The following KDELR2 variants were observed in gnomAD, a reference collection of about 807,000 sequenced individuals.
KDELR2 encodes the protein ER lumen protein-retaining receptor 2.
Under a neutral mutation model 23.9 loss-of-function variants are expected in KDELR2, and 15 were observed. That is an observed-to-expected ratio of 0.63 (90% CI 0.42 to 0.97). The LOEUF is 0.97. KDELR2 is among the 50% of genes least tolerant of loss of function. KDELR2 has a pLI of 0.00. For missense variants in KDELR2, 272 were observed against 254.6 expected (o/e 1.07, Z -0.46); for synonymous variants, 119 against 106.2 (o/e 1.12, Z -0.74).
intron 2 of KDELR2, chr7:6,469,997 C>A: frequency 2.9e-6 from 1 of 345,712 alleles, no homozygotes; most frequent in Non-Finnish European, 5.2e-6. Flanking sequence ...GCCATGCTGC[C>A]GCTTCGCAGT....
rs533785271 is a variant in KDELR2 at position 6,463,057 on chromosome 7, G to A, written c.*84C>T. The A allele has an allele frequency of 8.7e-6, 14 of 1,614,096 alleles. No homozygotes were observed. Among genetic ancestry groups the A allele is most frequent in the Middle Eastern group, 1.7e-4 (1 of 6,060 alleles). On this transcript the variant is annotated 3_prime_UTR_variant, in exon 5 of 5. Coordinates refer to ENST00000258739, the MANE Select transcript of KDELR2 (RefSeq NM_006854.4). ...AAAAGAGTTAAGTTTCTGATTTTCCGTATCAAGCATCTTATGCCTTTGCTG... is the reference window on the plus strand; with the variant it reads ...AAAAGAGTTAAGTTTCTGATTTTCCATATCAAGCATCTTATGCCTTTGCTG...
intron 2 of KDELR2, among the ~76,000 whole-genome samples, chr7:6,471,786 T>C (rs1008935075): frequency 2.0e-5 from 3 of 152,196 alleles, no homozygotes; most frequent in Admixed American, 1.3e-4. Flanking sequence ...GGGAGGACAG[T>C]GGATAAAGCT....
intron 1 of KDELR2, among the ~76,000 whole-genome samples, chr7:6,480,090 A>G (rs1383437310): frequency 6.6e-6 from 1 of 152,208 alleles, no homozygotes; most frequent in African/African-American, 2.4e-5. Flanking sequence ...ACAACAATCT[A>G]AGCAACAGGG....
At position 6,469,794 on chromosome 7, in the gene KDELR2, C is replaced by T. The variant is rs201807853; in HGVS notation, c.193-40G>A. 92 of 1,546,204 alleles carry T rather than the reference C, an allele frequency of 6.0e-5. No individual in the cohort carries two copies. The African/African-American group carries it at 1.2e-3, about 20-fold the overall frequency. On this transcript the variant is annotated intron_variant, in intron 2 of 4. Transcript: ENST00000258739. ...AAAAACACCAGGTGTCAATACCTTG[C>T]CACTGTTCCAGCACCCCCCAGCTTT...
intron 1 of KDELR2, among the ~76,000 whole-genome samples, chr7:6,481,108 C>T (rs1260612001): frequency 1.3e-5 from 2 of 152,266 alleles, no homozygotes; most frequent in African/African-American, 2.4e-5. Context: ...CAGTGGCTTA[C>T]GCCTGTAATC....
chr7:6,478,395 G>A (rs940756258), intron 1 of KDELR2, among the ~76,000 whole-genome samples: 18 of 151,992 alleles, frequency 1.2e-4, no homozygotes, highest in African/African-American at 4.4e-4. Context: ...TGATCCTTTA[G>A]CTTTGACCTC....
Position 6,462,897 on chromosome 7 carries a change from A to G in KDELR2, c.*244T>C. 7.7e-7 allele frequency: 1 copy of G among 1,290,332 alleles called. No homozygotes were observed. Among genetic ancestry groups the G allele is most frequent in the Non-Finnish European group, 1.1e-6 (1 of 941,164 alleles). The allele number at this position is 1,290,332 out of a possible 1,614,324, so 79.9% of individuals were successfully genotyped here. On this transcript the variant is annotated 3_prime_UTR_variant, in exon 5 of 5. Coordinates refer to ENST00000258739, the MANE Select transcript of KDELR2 (RefSeq NM_006854.4). Reference sequence around the variant, plus strand: ...GAAGCTACACACTGAATTTATTAATACAGCATTAAGTTTCTTTGTGTAAAA... The same window carrying G: ...GAAGCTACACACTGAATTTATTAATGCAGCATTAAGTTTCTTTGTGTAAAA...
chr7:6,465,910 T>G (rs1490914514), intron 4 of KDELR2, among the ~76,000 whole-genome samples, 161 bp downstream of exon 4: 5 of 152,092 alleles, frequency 3.3e-5, no homozygotes, highest in Non-Finnish European at 5.9e-5. Flanking sequence ...GTTCTTATAT[T>G]TAAAAAGACA....
At chr7:6,476,226 T>C (rs1405021777) in intron 1 of KDELR2, among the ~76,000 whole-genome samples, 3 of 152,070 alleles carry the variant, frequency 2.0e-5, no homozygotes, top group Non-Finnish European at 4.4e-5. Flanking sequence ...TAAATAGAAA[T>C]GGAAAAAAAT....
chr7:6,472,917 T>G (rs78531333), intron 2 of KDELR2, among the ~76,000 whole-genome samples: 2 of 126,166 alleles, frequency 1.6e-5, no homozygotes, highest in Non-Finnish European at 3.5e-5. Flanking sequence ...TTTTTTTTTT[T>G]CAGACAGGAT....
Position 6,477,428 on chromosome 7 carries a change from A to G in KDELR2, c.92-3144T>C, listed in dbSNP as rs117194396. Among the ~76,000 whole-genome samples the G allele has an allele frequency of 1.8e-4, 28 of 152,352 alleles. No homozygotes were observed. In the East Asian group the frequency reaches 5.2e-3, roughly 28 times the overall value. On this transcript the variant is annotated intron_variant, in intron 1 of 4. Coordinates refer to ENST00000258739, the MANE Select transcript of KDELR2 (RefSeq NM_006854.4). ...GGTTGGGAGTAGAATACCTGCTATT[A>G]AACCAGAGCAGCTCCTAGTCGGCTT...
intron 1 of KDELR2, among the ~76,000 whole-genome samples, chr7:6,477,130 C>CT (rs1785770241): frequency 6.6e-6 from 1 of 152,226 alleles, no homozygotes; most frequent in Non-Finnish European, 1.5e-5. Context: ...GGGCTCTGCC[C>CT]TAATTAACTA....
chr7:6,463,249 C>A, intron 4 of KDELR2, 74 bp from the exon 5 acceptor site: 1 of 1,166,098 alleles, frequency 8.6e-7, no homozygotes, highest in Non-Finnish European at 1.2e-6. Context: ...TCTTCCCATT[C>A]CTAGAAGTCT....
intron 1 of KDELR2, among the ~76,000 whole-genome samples, chr7:6,475,631 C>G (rs1583319748): frequency 6.6e-6 from 1 of 152,194 alleles, no homozygotes; most frequent in African/African-American, 2.4e-5. Context: ...CACACTCAGC[C>G]AGGAAGGCTG....
At chr7:6,478,381 CAA>C (rs1165979387) in intron 1 of KDELR2, among the ~76,000 whole-genome samples, 1 of 152,054 alleles carries the variant, frequency 6.6e-6, no homozygotes, top group Non-Finnish European at 1.5e-5. Context: ...CTCCTGGCCT[CAA>C]GTGATCCTTT....
chr7:6,476,979 T>G (rs1230911381), intron 1 of KDELR2, among the ~76,000 whole-genome samples: 8 of 151,824 alleles, frequency 5.3e-5, no homozygotes, highest in African/African-American at 1.9e-4. Flanking sequence ...CAGAAAATAT[T>G]TGCTGAATGA....
intron 2 of KDELR2, among the ~76,000 whole-genome samples, chr7:6,471,665 T>C (rs571432172): frequency 1.3e-5 from 2 of 152,318 alleles, no homozygotes; most frequent in East Asian, 3.9e-4. Context: ...AGTGAGGGCC[T>C]AGTGTTAATA....
In KDELR2 at chr7:6,461,743, T is replaced by G. The variant is rs1785392802; in HGVS notation, c.*1398A>C. 6.6e-6 allele frequency: 1 copy of G among 151,672 alleles called. No individual in the cohort carries two copies. The highest frequency in any genetic ancestry group is 2.4e-5 in the African/African-American group (1 of 41,302). 9.4% of individuals were successfully genotyped at this position (151,672 alleles called of 1,614,324 possible). On this transcript the variant is annotated 3_prime_UTR_variant, in exon 5 of 5. Transcript: ENST00000258739. ...GCAGAAAGCCAAAATACTACATCCT[T>G]CTTGTAGTCAGCACTGTTAGTATTC... is the stretch of plus-strand genomic sequence containing the variant.
intron 1 of KDELR2, among the ~76,000 whole-genome samples, chr7:6,480,757 CA>C: frequency 6.6e-6 from 1 of 152,262 alleles, no homozygotes; most frequent in Middle Eastern, 3.4e-3. Flanking sequence ...AAACTCATAT[CA>C]AATTCTTACT....
Sources: gnomAD v4.1 joint callset for allele counts (sites outside exome capture counted in the v4.1 genomes callset) on GRCh38, gnomAD v4.1.1 for gene constraint, MANE v1.5 for transcripts, NCBI Gene and HGNC (gene_info 2026-07-23, HGNC 2026-07-21) for gene names.